The following SLC9A5 variants were observed in gnomAD, a reference collection of about 807,000 sequenced individuals.
SLC9A5 encodes the protein sodium/hydrogen exchanger 5.
In SLC9A5, 52 loss-of-function variants were observed where a neutral mutation model predicts 91.7. That is an observed-to-expected ratio of 0.57 (90% CI 0.45 to 0.71). The LOEUF is 0.71. SLC9A5 is among the 30% of genes least tolerant of loss of function. The probability of loss-of-function intolerance (pLI) is 0.00; values close to 1 mark genes in which losing one functional copy is unlikely to be tolerated. For missense variants in SLC9A5, 871 were observed against 1,158.9 expected, an observed-to-expected ratio of 0.75 and a Z score of 3.61; for synonymous variants, 419 against 474.5, an observed-to-expected ratio of 0.88 and a Z score of 1.52.
Position 67,257,435 on chromosome 16 carries a change from G to A in SLC9A5, c.1425+1G>A, listed in dbSNP as rs2035360386. 12 of 1,614,046 alleles carry A rather than the reference G, an allele frequency of 7.4e-6. No individual in the cohort carries two copies. Among genetic ancestry groups the A allele is most frequent in the Non-Finnish European group, 1.0e-5 (12 of 1,179,898 alleles). ...CCTGAACCAGGAGCTGCATGAACAC[G>A]TGGGTATCAGAACCCCAGCCCTCGC... is the stretch of plus-strand genomic sequence containing the variant. On this transcript the variant is annotated splice_donor_variant, in intron 8 of 15. Coordinates refer to ENST00000299798, the MANE Select transcript of SLC9A5 (RefSeq NM_004594.3). LOFTEE classifies it high-confidence loss of function. This position sits in a 1 kb window ranked among gnomAD's most constrained non-coding sequence, Gnocchi z 5.1.
chr16:67,258,251 C>T lies in SLC9A5; in HGVS notation c.1497-67C>T. ...AGTGCTGACGGTGTCCTTGCCCCGT[C>T]TGAGGAAGGGCCACCTGGCCAGGCC... On this transcript the variant is annotated intron_variant, in intron 9 of 15. Coordinates refer to ENST00000299798, the MANE Select transcript of SLC9A5 (RefSeq NM_004594.3). The surrounding 1 kb of genome is among the most constrained non-coding windows in gnomAD (Gnocchi z 4.5). 1.3e-6 allele frequency: 2 copies of T among 1,582,548 alleles called. No homozygotes were observed. Among genetic ancestry groups the T allele is most frequent in the Admixed American group, 3.3e-5 (2 of 59,798 alleles).
At chr16:67,266,915 T>C (rs1028921043) in intron 15 of SLC9A5, among the ~76,000 whole-genome samples, 11 of 149,030 alleles carry the variant, frequency 7.4e-5, no homozygotes, top group Admixed American at 5.3e-4. Context: ...TTTTCTTTTT[T>C]TTTTTTGAGA....
At position 67,271,323 on chromosome 16, in the gene SLC9A5, G is replaced by A. The variant is rs1185202301; in HGVS notation, c.*113G>A. 4.2e-6 allele frequency: 4 copies of A among 947,846 alleles called. No individual in the cohort carries two copies. Among genetic ancestry groups the A allele is most frequent in the Admixed American group, 4.4e-5 (2 of 45,364 alleles). The allele number at this position is 947,846 out of a possible 1,614,324, so 58.7% of individuals were successfully genotyped here. A position where few individuals can be genotyped will look rare whatever the true frequency, so the allele number is the denominator to read the frequency against. ...GGCCAGAAGGGCCTGGGTTGAAGTA[G>A]TAATTGGGCTTCCTTGGAGCTAGTC... is the stretch of plus-strand genomic sequence containing the variant. On this transcript the variant is annotated 3_prime_UTR_variant, in exon 16 of 16. Coordinates refer to ENST00000299798, the MANE Select transcript of SLC9A5 (RefSeq NM_004594.3).
At chr16:67,250,265 T>C (rs1371456600) in intron 1 of SLC9A5, among the ~76,000 whole-genome samples, 2 of 152,098 alleles carry the variant, frequency 1.3e-5, no homozygotes, top group Non-Finnish European at 2.9e-5. Context: ...TCAATATGCC[T>C]TCCGGGAGCG....
At position 67,255,476 on chromosome 16, in the gene SLC9A5, G is replaced by A. The variant is rs1186491891; in HGVS notation, c.733+5G>A. 6.2e-7 allele frequency: 1 copy of A among 1,613,702 alleles called. No homozygotes were observed. Among genetic ancestry groups the A allele is most frequent in the Non-Finnish European group, 8.5e-7 (1 of 1,179,808 alleles). ...CTGACTACCTGAAGGGAGTCGGTCA[G>A]TATTTCCCCGCTCCCAGCTGGCATT... is the stretch of plus-strand genomic sequence containing the variant. On this transcript the variant is annotated splice_donor_5th_base_variant and intron_variant, in intron 4 of 15. Transcript: ENST00000299798. This position sits in a 1 kb window ranked among gnomAD's most constrained non-coding sequence, Gnocchi z 4.9.
At position 67,270,842 on chromosome 16, in the gene SLC9A5, G is replaced by A. The variant is rs61740302; in HGVS notation, c.2323G>A (p.Val775Met). 2.5e-6 allele frequency: 4 copies of A among 1,614,090 alleles called. No individual in the cohort carries two copies. The highest frequency in any genetic ancestry group is 2.2e-5 in the South Asian group (2 of 91,074). Reference protein sequence around the residue: ...KSGQGDLAVYVSSETTKIVPV... With the variant: ...KSGQGDLAVYMSSETTKIVPV... Reference sequence around the variant, plus strand: ...TGGGCAGGGGGACCTGGCAGTGTACGTGTCCTCGGAAACCACCAAGATTGT... The same window carrying A: ...TGGGCAGGGGGACCTGGCAGTGTACATGTCCTCGGAAACCACCAAGATTGT... The change falls in exon 16 of 16, where the codon GTG becomes ATG. Residue 775 changes from valine to methionine, a missense_variant. Physicochemically the swap from Val to Met is conservative, Grantham distance 21 (BLOSUM62 1). This residue lies in a region of SLC9A5 where 295 missense variants were observed against 326.0 expected (regional missense o/e 0.90). Transcript: ENST00000299798. The surrounding 1 kb of genome is among the most constrained non-coding windows in gnomAD (Gnocchi z 4.3).
At chr16:67,259,045 G>A (rs1020275343) in intron 10 of SLC9A5, among the ~76,000 whole-genome samples, 23 of 152,062 alleles carry the variant, frequency 1.5e-4, no homozygotes, top group East Asian at 7.7e-4. Context: ...TGGATCATGA[G>A]GTCAGGAGTT....
In SLC9A5 at chr16:67,249,258, A is replaced by AC; in HGVS notation, c.187+62dup. 12 of 1,283,796 alleles carry AC rather than the reference A, an allele frequency of 9.3e-6. No homozygotes were observed. In the South Asian group the frequency reaches 2.2e-4, roughly 24 times the overall value. 79.5% of individuals were successfully genotyped at this position (1,283,796 alleles called of 1,614,324 possible). A position where few individuals can be genotyped will look rare whatever the true frequency, so the allele number is the denominator to read the frequency against. ...CGCCAGCGGCGGACCCGCCCCCAAC[A>AC]CCCCCACCTCCTCGGTCCTCAGATT... On this transcript the variant is annotated intron_variant, in intron 1 of 15. Transcript: ENST00000299798.
At position 67,258,989 on chromosome 16, in the gene SLC9A5, G is replaced by C. The variant is rs1294662739; in HGVS notation, c.1626+542G>C. Among the ~76,000 whole-genome samples the C allele has an allele frequency of 6.6e-6, 1 of 151,880 alleles. No homozygotes were observed. Among genetic ancestry groups the C allele is most frequent in the Non-Finnish European group, 1.5e-5 (1 of 67,974 alleles). On this transcript the variant is annotated intron_variant, in intron 10 of 15. Transcript: ENST00000299798. The surrounding 1 kb of genome is among the most constrained non-coding windows in gnomAD (Gnocchi z 4.5). Reference sequence around the variant, plus strand: ...AAAATCTGGGAAGCGGGCTGGGCACGGTGGCTCACACCTGTAATCCCAGCA... The same window carrying C: ...AAAATCTGGGAAGCGGGCTGGGCACCGTGGCTCACACCTGTAATCCCAGCA...
intron 2 of SLC9A5, among the ~76,000 whole-genome samples, 167 bp downstream of exon 2, chr16:67,253,011 G>A (rs1469471871): frequency 6.6e-6 from 1 of 152,224 alleles, no homozygotes; most frequent in Non-Finnish European, 1.5e-5. Flanking sequence ...CCTCATTGAG[G>A]TCTCTGCCAG....
At position 67,255,175 on chromosome 16, in the gene SLC9A5, T is replaced by A; in HGVS notation, c.645T>A (p.Ala215=). 1 of 1,613,616 alleles carries A rather than the reference T, an allele frequency of 6.2e-7. No homozygotes were observed. The change falls in exon 3 of 16, where the codon GCT becomes GCA. Residue 215 remains alanine (A), a synonymous_variant. Coordinates refer to ENST00000299798, the MANE Select transcript of SLC9A5 (RefSeq NM_004594.3). This position sits in a 1 kb window ranked among gnomAD's most constrained non-coding sequence, Gnocchi z 4.9. ...IVFGESLLND[A]VTVVLYKVCN... is the part of the protein sequence containing the mutation. Reference sequence around the variant, plus strand: ...TTGGCGAGTCCCTGCTCAACGATGCTGTCACCGTGGTGAGCGTGCTCAGCT... The same window carrying A: ...TTGGCGAGTCCCTGCTCAACGATGCAGTCACCGTGGTGAGCGTGCTCAGCT...
chr16:67,268,971 C>G (rs2142393115), intron 15 of SLC9A5, among the ~76,000 whole-genome samples: 1 of 151,836 alleles, frequency 6.6e-6, no homozygotes, highest in Middle Eastern at 3.4e-3. Context: ...TTGATAAACC[C>G]TGATCCATAG....
chr16:67,250,517 G>A (rs2142334303), intron 1 of SLC9A5, among the ~76,000 whole-genome samples: 1 of 152,158 alleles, frequency 6.6e-6, no homozygotes, highest in African/African-American at 2.4e-5. Context: ...CCTGTCTTAG[G>A]GTTTATAGCA....
chr16:67,268,659 TA>T (rs1567421323), intron 15 of SLC9A5, among the ~76,000 whole-genome samples: 970 of 6,852 alleles, frequency 0.14, 46 homozygotes, highest in Non-Finnish European at 0.18. Context: ...TTTCCCTGAT[TA>T]TATATATATA....
At position 67,270,723 on chromosome 16, in the gene SLC9A5, ACT is replaced by A. The variant is rs2035886853; in HGVS notation, c.2219-10_2219-9del. The A allele has an allele frequency of 6.5e-7, 1 of 1,547,692 alleles. No individual in the cohort carries two copies. Among genetic ancestry groups the A allele is most frequent in the Non-Finnish European group, 8.8e-7 (1 of 1,134,836 alleles). ...CTGTATTGGTAATGAGTTCATGTGT[ACT>A]CTCTGTCCCCAGGAAGCCTTGAGGT... On this transcript the variant is annotated splice_polypyrimidine_tract_variant and intron_variant, in intron 15 of 15. Coordinates refer to ENST00000299798, the MANE Select transcript of SLC9A5 (RefSeq NM_004594.3). The surrounding 1 kb of genome is among the most constrained non-coding windows in gnomAD (Gnocchi z 4.3).
chr16:67,265,433 GT>G (rs2035666858), intron 14 of SLC9A5, among the ~76,000 whole-genome samples: 1 of 152,034 alleles, frequency 6.6e-6, no homozygotes, highest in African/African-American at 2.4e-5. Flanking sequence ...ATTTTGTTTT[GT>G]TTTTTTGAGA....
At chr16:67,261,695 T>C (rs2035535478) in intron 12 of SLC9A5, 1 of 152,246 alleles carries the variant, frequency 6.6e-6, no homozygotes, top group South Asian at 2.1e-4. Context: ...TTTTCCCCTC[T>C]CTATCTCCCT....
chr16:67,267,799 T>G (rs1313388724), intron 15 of SLC9A5, among the ~76,000 whole-genome samples: 1 of 152,212 alleles, frequency 6.6e-6, no homozygotes, highest in Non-Finnish European at 1.5e-5. Context: ...AAACATTTTT[T>G]ATTATAGAAA....
At position 67,259,643 on chromosome 16, in the gene SLC9A5, C is replaced by A; in HGVS notation, c.1697C>A (p.Thr566Asn). 2 of 1,614,084 alleles carry A rather than the reference C, an allele frequency of 1.2e-6. No individual in the cohort carries two copies. The highest frequency in any genetic ancestry group is 2.2e-5 in the East Asian group (1 of 44,866). ...CCCAGCCGCAATTCTGTGGCAGAAA[C>A]TTCTGTCACCAACCTGCTGTGAGTC... ...SMPSRNSVAE[T>N]SVTNLLRESG... Residue 566 changes from threonine (T) to asparagine (N), a missense_variant, in exon 11 of 16, where the codon ACT (threonine) becomes AAT (asparagine). Transcript: ENST00000299798.
Sources: gnomAD v4.1 joint callset for allele counts (sites outside exome capture counted in the v4.1 genomes callset) on GRCh38, gnomAD v4.1.1 for gene constraint, gnomAD v4.1.1 regional missense constraint, Gnocchi (gnomAD v3.1) non-coding constraint, MANE v1.5 for transcripts, NCBI Gene and HGNC (gene_info 2026-07-23, HGNC 2026-07-21) for gene names.